Variants in TDRD7 observed in about 807,000 individuals in gnomAD.
TDRD7 encodes the protein tudor domain containing 7.
A neutral mutation model predicts 109.8 loss-of-function variants in TDRD7; 47 were observed. The observed-to-expected ratio is 0.43, with a 90% CI of 0.34 to 0.55. TDRD7 has a LOEUF of 0.55. Ranked by LOEUF, TDRD7 falls within the 20% of genes least tolerant of loss-of-function variation. The pLI, the probability that TDRD7 is intolerant of heterozygous loss-of-function variation, is 0.03. For synonymous variants in TDRD7, 424 were observed against 457.3 expected, an observed-to-expected ratio of 0.93 and a Z score of 0.93; for missense variants, 1,164 against 1,319.2, an observed-to-expected ratio of 0.88 and a Z score of 1.82.
intron 1 of TDRD7, among the ~76,000 whole-genome samples, chr9:97,420,088 T>A (rs1827873757): frequency 6.6e-6 from 1 of 152,174 alleles, no homozygotes; most frequent in Non-Finnish European, 1.5e-5. Context: ...CAAGGCAACT[T>A]TATTTATAAT....
At chr9:97,490,909 CTTTTTTT>C (rs1174656625) in intron 16 of TDRD7, among the ~76,000 whole-genome samples, 17 of 77,648 alleles carry the variant, frequency 2.2e-4, no homozygotes, top group East Asian at 1.3e-3. Context: ...CTTTTCTTTT[CTTTTTTT>C]TTTTTTTTTT....
intron 1 of TDRD7, among the ~76,000 whole-genome samples, chr9:97,416,786 T>G (rs774805019): frequency 6.6e-6 from 1 of 151,724 alleles, no homozygotes. Flanking sequence ...AGAAAAGGAG[T>G]GGTAGGTGGA....
At chr9:97,421,128 C>CT (rs1253777743) in intron 1 of TDRD7, among the ~76,000 whole-genome samples, 1 of 141,978 alleles carries the variant, frequency 7.0e-6, no homozygotes, top group African/African-American at 2.7e-5. Context: ...GAGCTGGACT[C>CT]TGTCTCAAAA....
Position 97,432,236 on chromosome 9 carries a change from C to T in TDRD7, c.561C>T (p.Asn187=). ...VQRHVTMSTN[N]RFSPKASLQP... Reference sequence around the variant, plus strand: ...GGCATGTGACCATGTCCACCAACAACAGGTATTTGGCCTCTGACTCACAGA... The same window carrying T: ...GGCATGTGACCATGTCCACCAACAATAGGTATTTGGCCTCTGACTCACAGA... The change falls in exon 4 of 17, where the codon AAC becomes AAT. Residue 187 remains asparagine (N), a splice_region_variant and synonymous_variant. Transcript: ENST00000355295. 6.2e-7 allele frequency: 1 copy of T among 1,613,446 alleles called. No individual in the cohort carries two copies. The highest frequency in any genetic ancestry group is 1.1e-5 in the South Asian group (1 of 91,064).
intron 12 of TDRD7, among the ~76,000 whole-genome samples, chr9:97,478,093 A>T (rs1344424511): frequency 6.6e-6 from 1 of 151,942 alleles, no homozygotes; most frequent in Non-Finnish European, 1.5e-5. Context: ...CCCCATCTCT[A>T]CTAAAAAATA....
Position 97,479,376 on chromosome 9 carries a change from C to G in TDRD7, c.2301+803C>G, listed in dbSNP as rs185226337. On this transcript the variant is annotated intron_variant, in intron 13 of 16. Coordinates refer to ENST00000355295, the MANE Select transcript of TDRD7 (RefSeq NM_014290.3). ...AGCCATAATTCTGGAAATTGATGGG[C>G]CTTTAAGTGCTACTCTGACTTAATA... is the stretch of plus-strand genomic sequence containing the variant. Among the ~76,000 whole-genome samples, 56 of 152,236 alleles carry G rather than the reference C, an allele frequency of 3.7e-4. 1 individual carries two copies. In the East Asian group the frequency reaches 7.5e-3, roughly 20 times the overall value.
chr9:97,444,445 T>C (rs1421367848), intron 6 of TDRD7, among the ~76,000 whole-genome samples: 1 of 152,252 alleles, frequency 6.6e-6, no homozygotes, highest in African/African-American at 2.4e-5. Context: ...CCATGGTTAT[T>C]TTTAAACAGC....
intron 12 of TDRD7, among the ~76,000 whole-genome samples, chr9:97,477,304 C>T (rs1292156496): frequency 6.6e-6 from 1 of 152,112 alleles, no homozygotes; most frequent in Non-Finnish European, 1.5e-5. Context: ...CCAAATTGTC[C>T]CACAAAGTAC....
At chr9:97,446,374 G>A (rs1828401046) in intron 6 of TDRD7, among the ~76,000 whole-genome samples, 1 of 152,148 alleles carries the variant, frequency 6.6e-6, no homozygotes, top group South Asian at 2.1e-4. Flanking sequence ...AGGTAGCTGG[G>A]AAACATTCTA....
intron 2 of TDRD7, 38 bp from the exon 3 acceptor site, chr9:97,430,895 A>G: frequency 6.2e-7 from 1 of 1,613,348 alleles, no homozygotes; most frequent in Non-Finnish European, 8.5e-7. Flanking sequence ...ACGGAATCTG[A>G]GAAATGTTTC....
intron 1 of TDRD7, among the ~76,000 whole-genome samples, chr9:97,423,513 T>C (rs1827932109): frequency 6.6e-6 from 1 of 152,108 alleles, no homozygotes; most frequent in African/African-American, 2.4e-5. Context: ...TTGATCTGTT[T>C]CATCATTTCA....
At chr9:97,424,590 A>G (rs1363529024) in intron 1 of TDRD7, among the ~76,000 whole-genome samples, 6 of 152,158 alleles carry the variant, frequency 3.9e-5, no homozygotes, top group African/African-American at 1.2e-4. Context: ...TTTATCTCTG[A>G]TAAGATTCCT....
intron 16 of TDRD7, among the ~76,000 whole-genome samples, chr9:97,488,098 C>T (rs748446720): frequency 6.6e-6 from 1 of 152,162 alleles, no homozygotes; most frequent in Non-Finnish European, 1.5e-5. Context: ...TGAGACTTCC[C>T]TTTTATCTTT....
chr9:97,420,978 C>CA (rs752593036), intron 1 of TDRD7, among the ~76,000 whole-genome samples: 46 of 151,784 alleles, frequency 3.0e-4, no homozygotes, highest in Non-Finnish European at 5.6e-4. Context: ...ACCAAAAATA[C>CA]AAAAAAATTA....
chr9:97,470,668 A>G lies in TDRD7; in HGVS notation c.1740A>G (p.Ala580=). 2 of 1,612,752 alleles carry G rather than the reference A, an allele frequency of 1.2e-6. No homozygotes were observed. The highest frequency in any genetic ancestry group is 1.7e-6 in the Non-Finnish European group (2 of 1,179,116). Residue 580 remains alanine (A), a splice_region_variant and synonymous_variant, in exon 9 of 17, where the codon GCA becomes GCG. Transcript: ENST00000355295. The part of the protein sequence containing the change: ...LSFQATKCKL[A]GLEVLSDDPD... ...TTCAAGCTACAAAATGTAAGCTTGC[A>G]GGTAAGAGGAACTTTTTAAAAAACT...
At chr9:97,481,794 A>G (rs934320825) in intron 14 of TDRD7, among the ~76,000 whole-genome samples, 7 of 152,198 alleles carry the variant, frequency 4.6e-5, no homozygotes, top group Non-Finnish European at 1.0e-4. Context: ...TTAATTTTTA[A>G]AACTGTACTT....
Position 97,472,369 on chromosome 9 carries a change from G to A in TDRD7, c.1818G>A (p.Val606=), listed in dbSNP as rs763831417. 3.7e-6 allele frequency: 6 copies of A among 1,613,810 alleles called. No individual in the cohort carries two copies. In the South Asian group the frequency reaches 4.4e-5, roughly 12 times the overall value. The change falls in exon 10 of 17, where the codon GTG becomes GTA. Residue 606 remains valine, a synonymous_variant. Transcript: ENST00000355295. ...ESLTCGKIFA[V]EILDKADIPL... is the part of the protein sequence containing the mutation. Reference sequence around the variant, plus strand: ...TAACTTGTGGAAAGATCTTTGCAGTGGAAATACTTGACAAAGCTGACATTC... The same window carrying A: ...TAACTTGTGGAAAGATCTTTGCAGTAGAAATACTTGACAAAGCTGACATTC...
chr9:97,460,382 A>G lies in TDRD7; in HGVS notation c.1060A>G (p.Ser354Gly). The G allele has an allele frequency of 6.2e-7, 1 of 1,614,212 alleles. No homozygotes were observed. The highest frequency in any genetic ancestry group is 1.1e-5 in the South Asian group (1 of 91,084). Residue 354 changes from serine (S) to glycine (G), a missense_variant, in exon 7 of 17, where the codon AGT (serine) becomes GGT (glycine). Transcript: ENST00000355295. Reference sequence around the variant, plus strand: ...GGCAGACCTGCTGGTGAAATACACAAGTGGCCTTTGGGCCAGTGCACTTCC... The same window carrying G: ...GGCAGACCTGCTGGTGAAATACACAGGTGGCCTTTGGGCCAGTGCACTTCC... ...KVADLLVKYT[S>G]GLWASALPKA...
At chr9:97,475,344 C>G in intron 11 of TDRD7, 39 bp from the exon 12 acceptor site, 1 of 1,492,386 alleles carries the variant, frequency 6.7e-7, no homozygotes, top group South Asian at 1.1e-5. Flanking sequence ...ATGCTCTTTG[C>G]TAAGAGTAAT....
Sources: gnomAD v4.1 joint callset for allele counts (sites outside exome capture counted in the v4.1 genomes callset) on GRCh38, gnomAD v4.1.1 for gene constraint, MANE v1.5 for transcripts, NCBI Gene and HGNC (gene_info 2026-07-23, HGNC 2026-07-21) for gene names.